The following SLC10A3 variants were observed in gnomAD, a reference collection of about 807,000 sequenced individuals.
SLC10A3 encodes P3 protein.
Under a neutral mutation model 1.9 loss-of-function variants are expected in SLC10A3, and 1 was observed. That is an observed-to-expected ratio of 0.52 (90% CI 0.19 to 2.48). The LOEUF (loss-of-function observed/expected upper bound fraction) is 2.48, where lower values mean the gene tolerates loss of function less well. Among genes scored for constraint, SLC10A3 ranks in the 30% most tolerant of loss-of-function variants. The pLI, the probability that SLC10A3 is intolerant of heterozygous loss-of-function variation, is 0.25. For missense variants in SLC10A3, 317 were observed against 398.5 expected (o/e 0.80, Z 1.74); for synonymous variants, 202 against 189.3 (o/e 1.07, Z -0.55).
At position 154,487,321 on chromosome X, in the gene SLC10A3, C is replaced by T. The variant is rs1232306524; in HGVS notation, c.*186G>A. ...AGAAGGGACCCAAGCTTGCTTCTCT[C>T]TTTTATTGAAATATATTTTCTGGGC... On this transcript the variant is annotated 3_prime_UTR_variant, in exon 2 of 2. Coordinates refer to ENST00000651600, the MANE Select transcript of SLC10A3 (RefSeq NM_019848.5). 1 of 563,032 alleles carries T rather than the reference C, an allele frequency of 1.8e-6. No individual in the cohort carries two copies. Among genetic ancestry groups the T allele is most frequent in the Non-Finnish European group, 2.8e-6 (1 of 355,839 alleles). 46.4% of individuals were successfully genotyped at this position (563,032 alleles called of 1,213,427 possible). A position where few individuals can be genotyped will look rare whatever the true frequency, so the allele number is the denominator to read the frequency against.
intron 1 of SLC10A3, 68 bp from the exon 2 acceptor site, chrX:154,489,150 C>T: frequency 8.6e-7 from 1 of 1,158,799 alleles, no homozygotes; most frequent in Non-Finnish European, 1.2e-6. Flanking sequence ...TTGGTCCAGC[C>T]ATGTGTCTTA....
At chrX:154,490,240 T>A in intron 1 of SLC10A3, 67 bp downstream of exon 1, 1 of 870,535 alleles carries the variant, frequency 1.1e-6, no homozygotes. Flanking sequence ...GGGGAGGGAG[T>A]CCCGGCCCTT....
At chrX:154,489,201 GATC>G in intron 1 of SLC10A3, 119 bp from the exon 2 acceptor site, 3 of 1,129,310 alleles carry the variant, frequency 2.7e-6, no homozygotes, top group Non-Finnish European at 3.5e-6. Flanking sequence ...GGAGCATGGG[GATC>G]TGGAAGCCCA....
Position 154,488,704 on chromosome X carries a change from A to C in SLC10A3, c.237T>G (p.Pro79=). Residue 79 remains proline (P), a synonymous_variant, in exon 2 of 2, where the codon CCT becomes CCG. Coordinates refer to ENST00000651600, the MANE Select transcript of SLC10A3 (RefSeq NM_019848.5). ...TCACGATGATGCCCTCACTGTCCTC[A>C]GGAAACTCAAACTCCATCACAGAGC... is the stretch of plus-strand genomic sequence containing the variant. The part of the protein sequence containing the change: ...GDGSVMEFEF[P]EDSEGIIVIS... 1 of 1,210,212 alleles carries C rather than the reference A, an allele frequency of 8.3e-7. No homozygotes were observed. The highest frequency in any genetic ancestry group is 2.2e-5 in the Admixed American group (1 of 45,890).
In SLC10A3 at chrX:154,487,576, G is replaced by A. The variant is rs138980744; in HGVS notation, c.1365C>T (p.Ser455=). The A allele has an allele frequency of 4.1e-6, 5 of 1,210,327 alleles. No homozygotes were observed. The highest frequency in any genetic ancestry group is 3.4e-6 in the Non-Finnish European group (3 of 895,110). ...ASQAPFIVAL[S]GTSEMLALVI... ...CCAAGGCCAGCATCTCGGAGGTGCCGCTCAGCGCCACAATGAAGGGGGCCT... is the reference window on the plus strand; with the variant it reads ...CCAAGGCCAGCATCTCGGAGGTGCCACTCAGCGCCACAATGAAGGGGGCCT... The change falls in exon 2 of 2, where the codon AGC becomes AGT. Residue 455 remains serine, a synonymous_variant. Coordinates refer to ENST00000651600, the MANE Select transcript of SLC10A3 (RefSeq NM_019848.5).
chrX:154,490,193 G>A, intron 1 of SLC10A3, 114 bp downstream of exon 1: 1 of 913,723 alleles, frequency 1.1e-6, no homozygotes, highest in Non-Finnish European at 1.4e-6. Context: ...TCTGCTTGAG[G>A]GGCCGACAGA....
rs782319942 is a variant in SLC10A3, at chrX:154,488,494, G to A, written c.447C>T (p.Leu149=). Residue 149 remains leucine, a synonymous_variant, in exon 2 of 2, where the codon CTC becomes CTT. Transcript: ENST00000651600. ...TGGGCGGGGCCTCATGGGCGTCCAC[G>A]AGCTGGATGTGGAGTGGGGCCAGCC... The part of the protein sequence containing the change: ...LAGLAPLHIQ[L]VDAHEAPPTL... The A allele has an allele frequency of 2.0e-4, 246 of 1,208,519 alleles. 5 individuals carry two copies. In the Admixed American group the frequency reaches 5.2e-3, roughly 26 times the overall value.
intron 1 of SLC10A3, chrX:154,489,670 C>T: frequency 1.3e-6 from 1 of 754,199 alleles, no homozygotes; most frequent in Non-Finnish European, 1.6e-6. Flanking sequence ...GTCACATCAC[C>T]TGCTAGAACT....
chrX:154,488,547 C>A lies in SLC10A3; in HGVS notation c.394G>T (p.Val132Leu), dbSNP rs2069339851. ...AITWGGGGGF[V>L]VSIHSGLAGL... Reference sequence around the variant, plus strand: ...GCCAGGCCTGAGTGGATGCTCACCACAAAGCCACCCCCGCCTCCCCAGGTT... The same window carrying A: ...GCCAGGCCTGAGTGGATGCTCACCAAAAAGCCACCCCCGCCTCCCCAGGTT... Residue 132 changes from valine to leucine, a missense_variant, in exon 2 of 2, where the codon GTG (valine) becomes TTG (leucine). By Grantham distance (32) the Val-to-Leu change is conservative (BLOSUM62 1). Coordinates refer to ENST00000651600, the MANE Select transcript of SLC10A3 (RefSeq NM_019848.5). 1 of 1,210,383 alleles carries A rather than the reference C, an allele frequency of 8.3e-7. No homozygotes were observed. The highest frequency in any genetic ancestry group is 1.1e-6 in the Non-Finnish European group (1 of 894,907).
At position 154,487,818 on chromosome X, in the gene SLC10A3, C is replaced by T; in HGVS notation, c.1123G>A (p.Val375Ile). The T allele has an allele frequency of 8.3e-7, 1 of 1,211,152 alleles. No homozygotes were observed. Among genetic ancestry groups the T allele is most frequent in the Non-Finnish European group, 1.1e-6 (1 of 895,431 alleles). ...GGLFLAYRMG[V>I]FILAGIRLPI... The stretch of plus-strand genomic sequence containing the variant: ...AGCCGGATGCCTGCCAGGATGAAGA[C>T]CCCCATGCGATAGGCCAGGAAGAGG... The change falls in exon 2 of 2, where the codon GTC becomes ATC. Residue 375 changes from valine to isoleucine, a missense_variant. Transcript: ENST00000651600.
Position 154,488,775 on chromosome X carries a change from G to A in SLC10A3, c.166C>T (p.His56Tyr). The A allele has an allele frequency of 8.3e-7, 1 of 1,211,134 alleles. No individual in the cohort carries two copies. The highest frequency in any genetic ancestry group is 1.1e-6 in the Non-Finnish European group (1 of 894,977). The change falls in exon 2 of 2, where the codon CAC (histidine) becomes TAC (tyrosine). Residue 56 changes from histidine (H) to tyrosine (Y), a missense_variant. Coordinates refer to ENST00000651600, the MANE Select transcript of SLC10A3 (RefSeq NM_019848.5). ...CGGCCCCCAGTCGGTGGCACGGTGT[G>A]ACCCCCAGCAGTGCTGAGGCTGGTG... Reference protein sequence around the residue: ...ASTSLSTAGGHTVPPTGGRYL... With the variant: ...ASTSLSTAGGYTVPPTGGRYL...
chrX:154,489,400 G>A, intron 1 of SLC10A3: 1 of 754,571 alleles, frequency 1.3e-6, no homozygotes, highest in Non-Finnish European at 1.6e-6. Flanking sequence ...TTGCCAGAAG[G>A]GGCGGCAGGA....
chrX:154,489,144 T>G (rs1163789444), intron 1 of SLC10A3, 62 bp from the exon 2 acceptor site: 18 of 1,157,807 alleles, frequency 1.6e-5, no homozygotes, highest in Non-Finnish European at 1.8e-5. Context: ...GAGGCCTTGG[T>G]CCAGCCATGT....
In SLC10A3 at chrX:154,488,101, G is replaced by A. The variant is rs151043660; in HGVS notation, c.840C>T (p.Asp280=). 3 of 1,211,125 alleles carry A rather than the reference G, an allele frequency of 2.5e-6. No individual in the cohort carries two copies. The highest frequency in any genetic ancestry group is 1.7e-5 in the African/African-American group (1 of 57,800). ...SYLFSLLLGG[D]VTLAISMTFL... ...AAGTCATGGAGATGGCCAGGGTGAC[G>A]TCCCCTCCAAGAAGGAGGCTGAAGA... The change falls in exon 2 of 2, where the codon GAC becomes GAT. Residue 280 remains aspartate (D), a synonymous_variant. Transcript: ENST00000651600.
rs1387210522 is a variant in SLC10A3 at position 154,489,097 on chromosome X, G to A, written c.-142-15C>T. The A allele has an allele frequency of 3.4e-6, 4 of 1,161,302 alleles. No individual in the cohort carries two copies. Among genetic ancestry groups the A allele is most frequent in the Non-Finnish European group, 3.4e-6 (3 of 869,933 alleles). On this transcript the variant is annotated splice_polypyrimidine_tract_variant and intron_variant, in intron 1 of 1. Coordinates refer to ENST00000651600, the MANE Select transcript of SLC10A3 (RefSeq NM_019848.5). ...CAGGGCTGTCCCTGAGGAGGTAAGGGACACAGAGAGGCAGCTGGTGAGGGT... is the reference window on the plus strand; with the variant it reads ...CAGGGCTGTCCCTGAGGAGGTAAGGAACACAGAGAGGCAGCTGGTGAGGGT...
chrX:154,488,894 A>C lies in SLC10A3; in HGVS notation c.47T>G (p.Leu16Arg). ...DKGSSQQWPG[L>R]GGEGGGTGPL... The stretch of plus-strand genomic sequence containing the variant: ...ACCTGTGCCACCACCCTCGCCCCCC[A>C]GACCAGGCCACTGCTGAGAGCTGCC... Residue 16 changes from leucine (L) to arginine (R), a missense_variant, in exon 2 of 2, where the codon CTG becomes CGG. Transcript: ENST00000651600. 1 of 1,210,425 alleles carries C rather than the reference A, an allele frequency of 8.3e-7. No homozygotes were observed. The highest frequency in any genetic ancestry group is 1.1e-6 in the Non-Finnish European group (1 of 895,156).
intron 1 of SLC10A3, 109 bp downstream of exon 1, chrX:154,490,198 G>T: frequency 1.1e-6 from 1 of 909,116 alleles, no homozygotes. Context: ...TTGAGGGGCC[G>T]ACAGAGTTTG....
Position 154,490,119 on chromosome X carries a change from C to A in SLC10A3, c.-143+188G>T, listed in dbSNP as rs868931734. ...GGGGCCATCCACCCCATGCCCCATC[C>A]CTCCAGTAGGGCTGGCGGCTCTGAG... is the stretch of plus-strand genomic sequence containing the variant. On this transcript the variant is annotated intron_variant, in intron 1 of 1. Coordinates refer to ENST00000651600, the MANE Select transcript of SLC10A3 (RefSeq NM_019848.5). 1.9e-5 allele frequency: 18 copies of A among 939,919 alleles called. No homozygotes were observed. In the African/African-American group the frequency reaches 3.7e-4, roughly 19 times the overall value. 77.5% of individuals were successfully genotyped at this position (939,919 alleles called of 1,213,427 possible).
Position 154,488,463 on chromosome X carries a change from T to G in SLC10A3, c.478A>C (p.Ile160Leu), listed in dbSNP as rs782583599. ...VDAHEAPPTLIEERRDFCIKV... is the reference protein window; with the variant it reads ...VDAHEAPPTLLEERRDFCIKV... ...ATGCAGAAGTCTCTCCGCTCCTCAA[T>G]CAGTGTGGGCGGGGCCTCATGGGCG... is the stretch of plus-strand genomic sequence containing the variant. The change falls in exon 2 of 2, where the codon ATT (isoleucine) becomes CTT (leucine). Residue 160 changes from isoleucine (I) to leucine (L), a missense_variant. Transcript: ENST00000651600. The G allele has an allele frequency of 2.6e-5, 32 of 1,208,475 alleles. No homozygotes were observed. The highest frequency in any genetic ancestry group is 3.2e-5 in the Non-Finnish European group (29 of 894,239).
Sources: allele counts gnomAD v4.1 joint callset, GRCh38; gene constraint gnomAD v4.1.1; transcripts MANE v1.5; gene names NCBI Gene and HGNC (gene_info 2026-07-23, HGNC 2026-07-21).